The following TMEM63A variants were observed in gnomAD, a reference collection of about 807,000 sequenced individuals.
The protein encoded by TMEM63A is transmembrane protein 63A.
TMEM63A carries 76 observed loss-of-function variants against 100.6 expected under a neutral mutation model. The ratio of observed to expected loss-of-function variants is 0.76; its 90% CI spans 0.63 to 0.91. The LOEUF is 0.91. Among genes scored for constraint, TMEM63A ranks in the 40% least tolerant of loss-of-function variants. The pLI is 0.00. For missense variants in TMEM63A, 876 were observed against 1,008.8 expected (o/e 0.87, Z 1.78); for synonymous variants, 401 against 401.1 (o/e 1.00, Z 0.00).
In TMEM63A at chr1:225,862,507, T is replaced by C. The variant is rs754179573; in HGVS notation, c.899A>G (p.Asn300Ser). 2 of 1,614,044 alleles carry C rather than the reference T, an allele frequency of 1.2e-6. No individual in the cohort carries two copies. The highest frequency in any genetic ancestry group is 1.7e-6 in the Non-Finnish European group (2 of 1,179,984). Reference sequence around the variant, plus strand: ...GCAAAACTGGCCACAGGGCTTGGGGTTGATGAGGGTCCGCTGGCCTGTCTT... The same window carrying C: ...GCAAAACTGGCCACAGGGCTTGGGGCTGATGAGGGTCCGCTGGCCTGTCTT... ...QVKTGQRTLI[N>S]PKPCGQFCCC... The change falls in exon 12 of 25, where the codon AAC (asparagine) becomes AGC (serine). Residue 300 changes from asparagine to serine, a missense_variant. Physicochemically the swap from Asn to Ser is conservative, Grantham distance 46. Around this residue, in one of 5 missense-constraint regions of TMEM63A, gnomAD observed 487 missense variants for 581.9 expected, o/e 0.84. Coordinates refer to ENST00000366835, the MANE Select transcript of TMEM63A (RefSeq NM_014698.3). The surrounding 1 kb of genome is among the most constrained non-coding windows in gnomAD (Gnocchi z 5.1).
At chr1:225,842,324 C>A, downstream of TMEM63A, 2 of 1,426,226 alleles carry the variant, frequency 1.4e-6, no homozygotes, top group South Asian at 1.1e-5. Context: ...GCTCTCTGGT[C>A]CCCAGGCCTG....
At position 225,846,928 on chromosome 1, in the gene TMEM63A, G is replaced by A; in HGVS notation, c.*11C>T. On this transcript the variant is annotated 3_prime_UTR_variant, in exon 25 of 25. Coordinates refer to ENST00000366835, the MANE Select transcript of TMEM63A (RefSeq NM_014698.3). Reference sequence around the variant, plus strand: ...TCTGGTTGTGTCTTTTCAGAGCAGTGAGACCTAAAACAGATGGGAAGAAGT... The same window carrying A: ...TCTGGTTGTGTCTTTTCAGAGCAGTAAGACCTAAAACAGATGGGAAGAAGT... 3.1e-6 allele frequency: 4 copies of A among 1,311,028 alleles called. No individual in the cohort carries two copies. The highest frequency in any genetic ancestry group is 3.1e-6 in the Non-Finnish European group (3 of 982,840). 81.2% of individuals were successfully genotyped at this position (1,311,028 alleles called of 1,614,324 possible). A position where few individuals can be genotyped will look rare whatever the true frequency, so the allele number is the denominator to read the frequency against.
downstream of TMEM63A, chr1:225,842,545 C>A: frequency 9.0e-7 from 1 of 1,113,300 alleles, no homozygotes; most frequent in South Asian, 1.2e-5. Flanking sequence ...CTCTTCATCC[C>A]CTTGTCTGGT....
At chr1:225,842,291 C>T, downstream of TMEM63A, 1 of 1,136,690 alleles carries the variant, frequency 8.8e-7, no homozygotes. Context: ...CGGCCAGTGC[C>T]ACACATCACA....
Position 225,871,111 on chromosome 1 carries a change from T to A in TMEM63A, c.336A>T (p.Gly112=). 6.2e-7 allele frequency: 1 copy of A among 1,613,894 alleles called. No individual in the cohort carries two copies. The highest frequency in any genetic ancestry group is 8.5e-7 in the Non-Finnish European group (1 of 1,179,828). Residue 112 remains glycine (G), a splice_region_variant and synonymous_variant, in exon 6 of 25, where the codon GGA becomes GGT. Coordinates refer to ENST00000366835, the MANE Select transcript of TMEM63A (RefSeq NM_014698.3). ...AGATGGCAGTCAGCCAGGGACAGCA[T>A]CCCTGGAAACGGAGAGAACAGGGAT... The part of the protein sequence containing the change: ...SGQQDFENEL[G]CCPWLTAIFR...
In TMEM63A at chr1:225,860,961, G is replaced by C; in HGVS notation, c.1122C>G (p.Ser374Arg). 1 of 1,612,376 alleles carries C rather than the reference G, an allele frequency of 6.2e-7. No homozygotes were observed. The highest frequency in any genetic ancestry group is 8.5e-7 in the Non-Finnish European group (1 of 1,179,216). Residue 374 changes from serine to arginine, a missense_variant, in exon 14 of 25, where the codon AGC becomes AGG. Coordinates refer to ENST00000366835, the MANE Select transcript of TMEM63A (RefSeq NM_014698.3). ...LKDFNACKCQ[S>R]LQCKGEPQPS... Reference sequence around the variant, plus strand: ...GCTGGGGCTCACCTTTGCACTGAAGGCTCTGACACTTGCAGGCATTGAAAT... The same window carrying C: ...GCTGGGGCTCACCTTTGCACTGAAGCCTCTGACACTTGCAGGCATTGAAAT...
At position 225,871,985 on chromosome 1, in the gene TMEM63A, A is replaced by G; in HGVS notation, c.333+2T>C. On this transcript the variant is annotated splice_donor_variant, in intron 5 of 24. Transcript: ENST00000366835. LOFTEE classifies it high-confidence loss of function. ...GACCACAACTGGGCCTTAGATACCA[A>G]CCAGCTCATTTTCAAAGTCTTGTTG... The G allele has an allele frequency of 1.2e-6, 2 of 1,612,594 alleles. No individual in the cohort carries two copies.
At chr1:225,858,497 G>C (rs79760628) in intron 15 of TMEM63A, among the ~76,000 whole-genome samples, 5,482 of 151,814 alleles carry the variant, frequency 0.036, 311 homozygotes, top group African/African-American at 0.13. Flanking sequence ...GCTAATTTTT[G>C]TATTTTCAGT....
At chr1:225,869,718 A>T (rs1242199686) in intron 6 of TMEM63A, among the ~76,000 whole-genome samples, 1 of 127,368 alleles carries the variant, frequency 7.9e-6, no homozygotes, top group African/African-American at 3.0e-5. Flanking sequence ...CTGGAGTTGC[A>T]GTGGGGTGAT....
chr1:225,858,577 G>C (rs1254813997), intron 15 of TMEM63A, among the ~76,000 whole-genome samples: 1 of 152,024 alleles, frequency 6.6e-6, no homozygotes, highest in East Asian at 1.9e-4. Flanking sequence ...CGCCCACCTT[G>C]GCCTCCCAAA....
At chr1:225,870,798 T>C (rs1309469738) in intron 6 of TMEM63A, among the ~76,000 whole-genome samples, 1 of 152,192 alleles carries the variant, frequency 6.6e-6, no homozygotes, top group African/African-American at 2.4e-5. Flanking sequence ...ACTCTTGGGA[T>C]CCAGCTCAAT....
At chr1:225,880,166 G>A (rs1671019449) in intron 1 of TMEM63A, among the ~76,000 whole-genome samples, 1 of 152,156 alleles carries the variant, frequency 6.6e-6, no homozygotes, top group Admixed American at 6.5e-5. Flanking sequence ...TGAGACGGAG[G>A]TAAGGTCAGG....
rs1196840086 is a variant in TMEM63A, at chr1:225,847,171, T to C, written c.2293A>G (p.Thr765Ala). Reference protein sequence around the residue: ...RILNGLASERTALSPQQQQQQ... With the variant: ...RILNGLASERAALSPQQQQQQ... ...TGCTGCTGCTGCGGAGACAGTGCTG[T>C]CCTCTCCGAGGCCAAGCCGTTCAGA... The change falls in exon 24 of 25, where the codon ACA becomes GCA. Residue 765 changes from threonine (T) to alanine (A), a missense_variant. Physicochemically the swap from Thr to Ala is moderately conservative, Grantham distance 58 (BLOSUM62 0). Around this residue, in one of 5 missense-constraint regions of TMEM63A, gnomAD observed 339 missense variants for 342.3 expected, o/e 0.99. Transcript: ENST00000366835. 1 of 1,613,388 alleles carries C rather than the reference T, an allele frequency of 6.2e-7. No homozygotes were observed. The highest frequency in any genetic ancestry group is 1.7e-5 in the Admixed American group (1 of 60,026).
At chr1:225,859,705 G>GC in intron 14 of TMEM63A, 1 of 243,736 alleles carries the variant, frequency 4.1e-6, no homozygotes, top group Non-Finnish European at 8.0e-6. Context: ...GAGTGCAGTG[G>GC]TGTGATCTCG....
Position 225,846,901 on chromosome 1 carries a change from A to T in TMEM63A, c.*38T>A. On this transcript the variant is annotated 3_prime_UTR_variant, in exon 25 of 25. Coordinates refer to ENST00000366835, the MANE Select transcript of TMEM63A (RefSeq NM_014698.3). ...CAGCCAAGGGCCTGAGCCCCAGGCC[A>T]TTCTGGTTGTGTCTTTTCAGAGCAG... The T allele has an allele frequency of 1.8e-6, 2 of 1,113,758 alleles. No homozygotes were observed. The highest frequency in any genetic ancestry group is 2.5e-6 in the Non-Finnish European group (2 of 812,134). The allele number at this position is 1,113,758 out of a possible 1,614,324, so 69.0% of individuals were successfully genotyped here. A position where few individuals can be genotyped will look rare whatever the true frequency, so the allele number is the denominator to read the frequency against.
intron 20 of TMEM63A, 119 bp from the exon 21 acceptor site, chr1:225,850,198 G>A (rs1481267626): frequency 6.7e-6 from 8 of 1,194,560 alleles, no homozygotes; most frequent in African/African-American, 1.5e-5. Flanking sequence ...CTGCTCTACT[G>A]CCTGAACACA....
At chr1:225,855,734 GC>G in intron 18 of TMEM63A, 143 bp downstream of exon 18, 5 of 749,140 alleles carry the variant, frequency 6.7e-6, no homozygotes, top group Non-Finnish European at 8.5e-6. Context: ...TGGAGGTGAG[GC>G]CCCAAGCCCT....
Position 225,847,212 on chromosome 1 carries a change from G to A in TMEM63A, c.2252C>T (p.Pro751Leu), listed in dbSNP as rs58852301. 10,737 of 1,612,612 alleles carry A rather than the reference G, an allele frequency of 6.7e-3. 598 individuals are homozygous for A. In the African/African-American group the frequency reaches 0.13, roughly 19 times the overall value. ...AEAHMPPPFT[P>L]YVPRILNGLA... ...GCCGTTCAGAATCCGAGGCACGTAG[G>A]GCTGTCAGCAAATGGATTTGTGCTT... The change falls in exon 24 of 25, where the codon CCC becomes CTC. Residue 751 changes from proline to leucine, a missense_variant and splice_region_variant. This residue lies in a region of TMEM63A where 339 missense variants were observed against 342.3 expected (regional missense o/e 0.99). Coordinates refer to ENST00000366835, the MANE Select transcript of TMEM63A (RefSeq NM_014698.3).
intron 18 of TMEM63A, among the ~76,000 whole-genome samples, chr1:225,854,710 A>G (rs561768618): frequency 1.3e-5 from 2 of 152,322 alleles, no homozygotes; most frequent in South Asian, 4.1e-4. Context: ...CTAGAGGCAT[A>G]AATGTGGATG....
Sources: gnomAD v4.1 joint callset for allele counts (sites outside exome capture counted in the v4.1 genomes callset) on GRCh38, gnomAD v4.1.1 for gene constraint, gnomAD v4.1.1 regional missense constraint, Gnocchi (gnomAD v3.1) non-coding constraint, MANE v1.5 for transcripts, NCBI Gene and HGNC (gene_info 2026-07-23, HGNC 2026-07-21) for gene names.